The following FUT9 variants were observed in gnomAD, a reference collection of about 807,000 sequenced individuals.
FUT9 encodes 4-galactosyl-N-acetylglucosaminide 3-alpha-L-fucosyltransferase 9.
In FUT9, 15 loss-of-function variants were observed where a neutral mutation model predicts 29.7. The ratio of observed to expected loss-of-function variants is 0.51; its 90% CI spans 0.34 to 0.78. The LOEUF is 0.78. Among genes scored for constraint, FUT9 ranks in the 30% least tolerant of loss-of-function variants. The probability of loss-of-function intolerance (pLI) is 0.01; values close to 1 mark genes in which losing one functional copy is unlikely to be tolerated. For missense variants in FUT9, 319 were observed against 425.4 expected, an observed-to-expected ratio of 0.75 and a Z score of 2.20; for synonymous variants, 169 against 153.7, an observed-to-expected ratio of 1.10 and a Z score of -0.74.
At position 96,211,097 on chromosome 6, in the gene FUT9, G is replaced by A. The variant is rs148229099; in HGVS notation, c.*6862G>A. 3.4e-3 allele frequency: 561 copies of A among 166,900 alleles called. 2 individuals are homozygous for A. The highest frequency in any genetic ancestry group is 6.5e-3 in the Non-Finnish European group (443 of 67,978). The allele number at this position is 166,900 out of a possible 1,614,324, so 10.3% of individuals were successfully genotyped here. On this transcript the variant is annotated 3_prime_UTR_variant, in exon 3 of 3. Coordinates refer to ENST00000302103, the MANE Select transcript of FUT9 (RefSeq NM_006581.4). Reference sequence around the variant, plus strand: ...GAATCATTGAAATTTTATACAAGCCGAAGGAACAACATTCAGCAAAACGGA... The same window carrying A: ...GAATCATTGAAATTTTATACAAGCCAAAGGAACAACATTCAGCAAAACGGA...
At chr6:96,100,938 A>G (rs1283695105) in intron 1 of FUT9, among the ~76,000 whole-genome samples, 2 of 152,194 alleles carry the variant, frequency 1.3e-5, no homozygotes, top group Admixed American at 1.3e-4. Flanking sequence ...TAGTGTTTGA[A>G]TGAAAATGGA....
intron 2 of FUT9, among the ~76,000 whole-genome samples, chr6:96,148,331 T>G (rs1772611337): frequency 6.6e-6 from 1 of 152,174 alleles, no homozygotes; most frequent in Non-Finnish European, 1.5e-5. Context: ...CCACAACTAT[T>G]TGATTCTAAC....
At chr6:96,051,803 A>C (rs1447092114) in intron 1 of FUT9, among the ~76,000 whole-genome samples, 1 of 152,042 alleles carries the variant, frequency 6.6e-6, no homozygotes, top group Non-Finnish European at 1.5e-5. Flanking sequence ...AATATAATAA[A>C]ATATTACATA....
chr6:96,060,282 C>T (rs9498924), intron 1 of FUT9, among the ~76,000 whole-genome samples: 87,147 of 151,926 alleles, frequency 0.57, 25,112 homozygotes, highest in South Asian at 0.63. Flanking sequence ...AGAATATGAA[C>T]ACCTACTTAA....
chr6:96,173,836 T>C (rs1773156843), intron 2 of FUT9, among the ~76,000 whole-genome samples: 1 of 152,130 alleles, frequency 6.6e-6, no homozygotes, highest in Admixed American at 6.6e-5. Flanking sequence ...ACAGCTTTGC[T>C]AAAAGAGTTT....
chr6:96,178,105 G>A (rs1224516031), intron 2 of FUT9, among the ~76,000 whole-genome samples: 1 of 152,130 alleles, frequency 6.6e-6, no homozygotes, highest in Non-Finnish European at 1.5e-5. Context: ...TTTGCTGGGT[G>A]CAGAGGCCCA....
chr6:96,079,925 T>TA lies in FUT9; in HGVS notation c.-97-34107dup, dbSNP rs576910474. Among the ~76,000 whole-genome samples the TA allele has an allele frequency of 5.7e-4, 86 of 152,102 alleles. 1 individual carries two copies. The South Asian group carries it at 6.0e-3, about 11-fold the overall frequency. Reference sequence around the variant, plus strand: ...GGGAAAATAAAAATGGATATAGCTTTAAAAAAATGGAAAACAATAATGATT... The same window carrying TA: ...GGGAAAATAAAAATGGATATAGCTTTAAAAAAAATGGAAAACAATAATGATT... On this transcript the variant is annotated intron_variant, in intron 1 of 2. Coordinates refer to ENST00000302103, the MANE Select transcript of FUT9 (RefSeq NM_006581.4).
chr6:96,041,862 T>C (rs542747988), intron 1 of FUT9, among the ~76,000 whole-genome samples: 1 of 152,342 alleles, frequency 6.6e-6, no homozygotes, highest in African/African-American at 2.4e-5. Context: ...GTAGTGTTTT[T>C]TCTGTTATTG....
chr6:96,192,648 A>G (rs1237943828), intron 2 of FUT9, among the ~76,000 whole-genome samples: 4 of 152,164 alleles, frequency 2.6e-5, no homozygotes, highest in Non-Finnish European at 4.4e-5. Context: ...TATAGATTCA[A>G]TGCCATCCCT....
chr6:96,126,914 T>C (rs950860654), intron 2 of FUT9, among the ~76,000 whole-genome samples: 4 of 152,130 alleles, frequency 2.6e-5, no homozygotes, highest in African/African-American at 7.2e-5. Context: ...GAGCAGAAAA[T>C]TTCAATCTAA....
At chr6:96,174,376 T>C (rs1274799898) in intron 2 of FUT9, among the ~76,000 whole-genome samples, 2 of 152,178 alleles carry the variant, frequency 1.3e-5, no homozygotes, top group South Asian at 2.1e-4. Flanking sequence ...GTTGACCAGA[T>C]GTTTTCCATC....
intron 1 of FUT9, among the ~76,000 whole-genome samples, chr6:96,028,492 T>C (rs1770206390): frequency 6.6e-6 from 1 of 151,670 alleles, no homozygotes; most frequent in Non-Finnish European, 1.5e-5. Flanking sequence ...TCTGAGACTC[T>C]TTTTCCTATT....
intron 2 of FUT9, among the ~76,000 whole-genome samples, chr6:96,185,100 A>C (rs934069934): frequency 2.0e-5 from 3 of 151,996 alleles, no homozygotes; most frequent in African/African-American, 7.2e-5. Flanking sequence ...AATCAAAAGA[A>C]GTCACAGGCT....
At position 96,213,963 on chromosome 6, in the gene FUT9, G is replaced by A. The variant is rs555543385; in HGVS notation, c.*9728G>A. ...CATTTACACTGCCACTCACACACAG[G>A]CTCTGTCTCAATCCGTATGCATGAT... On this transcript the variant is annotated 3_prime_UTR_variant, in exon 3 of 3. Transcript: ENST00000302103. 8 of 166,934 alleles carry A rather than the reference G, an allele frequency of 4.8e-5. No individual in the cohort carries two copies. In the East Asian group the frequency reaches 1.5e-3, roughly 32 times the overall value. The allele number at this position is 166,934 out of a possible 1,614,324, so 10.3% of individuals were successfully genotyped here.
At position 96,203,289 on chromosome 6, in the gene FUT9, G is replaced by A; in HGVS notation, c.134G>A (p.Ser45Asn). ...SWIFSPMESA[S>N]SVLKMKNFFS... ...ATCTTCAGTCCAATGGAATCAGCCAGCTCTGTGCTGAAAATGAAAAACTTC... is the reference window on the plus strand; with the variant it reads ...ATCTTCAGTCCAATGGAATCAGCCAACTCTGTGCTGAAAATGAAAAACTTC... The change falls in exon 3 of 3, where the codon AGC (serine) becomes AAC (asparagine). Residue 45 changes from serine to asparagine, a missense_variant. Ser to Asn is a conservative substitution (Grantham distance 46). Transcript: ENST00000302103. The A allele has an allele frequency of 1.2e-6, 2 of 1,613,868 alleles. No individual in the cohort carries two copies. Among genetic ancestry groups the A allele is most frequent in the Non-Finnish European group, 1.7e-6 (2 of 1,179,918 alleles).
At chr6:96,062,190 A>G (rs1770887302) in intron 1 of FUT9, among the ~76,000 whole-genome samples, 1 of 151,494 alleles carries the variant, frequency 6.6e-6, no homozygotes. Context: ...AAACTGTAAT[A>G]ATGAAAAAAA....
At chr6:96,018,964 G>T (rs772714793) in intron 1 of FUT9, among the ~76,000 whole-genome samples, 1 of 151,676 alleles carries the variant, frequency 6.6e-6, no homozygotes, top group Admixed American at 6.6e-5. Context: ...CTAAATAAAA[G>T]TTCTATTATT....
At chr6:96,118,478 C>T (rs1226916403) in intron 2 of FUT9, among the ~76,000 whole-genome samples, 1 of 152,204 alleles carries the variant, frequency 6.6e-6, no homozygotes, top group Non-Finnish European at 1.5e-5. Flanking sequence ...ACACAACTCA[C>T]ATGTTTGTGA....
At chr6:96,034,716 C>T (rs1341327220) in intron 1 of FUT9, among the ~76,000 whole-genome samples, 3 of 151,624 alleles carry the variant, frequency 2.0e-5, no homozygotes, top group African/African-American at 7.3e-5. Context: ...CATCCTTATA[C>T]CCTAAATTAT....
Sources: gnomAD v4.1 joint callset for allele counts (sites outside exome capture counted in the v4.1 genomes callset) on GRCh38, gnomAD v4.1.1 for gene constraint, MANE v1.5 for transcripts, NCBI Gene and HGNC (gene_info 2026-07-23, HGNC 2026-07-21) for gene names.